The following PADI2 variants were observed in gnomAD, a reference collection of about 807,000 sequenced individuals.
PADI2 encodes protein-arginine deiminase type-2.
PADI2 carries 70 observed loss-of-function variants against 81.1 expected under a neutral mutation model. The observed-to-expected ratio is 0.86, with a 90% confidence interval of 0.71 to 1.05. PADI2 has a LOEUF of 1.05. Ranked by LOEUF, PADI2 falls within the 50% of genes least tolerant of loss-of-function variation. The pLI, the probability that PADI2 is intolerant of heterozygous loss-of-function variation, is 0.00. For synonymous variants in PADI2, 338 were observed against 358.0 expected (o/e 0.94, Z 0.63); for missense variants, 853 against 889.9 (o/e 0.96, Z 0.53).
chr1:17,071,443 G>C lies in PADI2; in HGVS notation c.1598C>G (p.Ser533Cys). ...SKRITINKIL[S>C]NESLVQENLY... Reference sequence around the variant, plus strand: ...GTTCTCCTGCACAAGGCTCTCGTTGGACAGAATCTTGTTGATGGTGATTCG... The same window carrying C: ...GTTCTCCTGCACAAGGCTCTCGTTGCACAGAATCTTGTTGATGGTGATTCG... Residue 533 changes from serine to cysteine, a missense_variant, in exon 14 of 16, where the codon TCC becomes TGC. Transcript: ENST00000375486. 6.2e-7 allele frequency: 1 copy of C among 1,614,098 alleles called. No homozygotes were observed. The highest frequency in any genetic ancestry group is 8.5e-7 in the Non-Finnish European group (1 of 1,179,942).
chr1:17,086,734 C>G, intron 6 of PADI2, 35 bp from the exon 7 acceptor site: 19 of 1,593,024 alleles, frequency 1.2e-5, no homozygotes, highest in Non-Finnish European at 1.6e-5. Context: ...GACTCCCACC[C>G]GCATCAGAAA....
intron 11 of PADI2, among the ~76,000 whole-genome samples, chr1:17,078,177 T>G (rs1002909239): frequency 1.3e-5 from 2 of 152,046 alleles, no homozygotes; most frequent in African/African-American, 4.8e-5. Flanking sequence ...AATGGCGCGA[T>G]CTCGGCTCAC....
intron 3 of PADI2, among the ~76,000 whole-genome samples, chr1:17,099,789 T>C (rs1931075983): frequency 6.6e-6 from 1 of 152,238 alleles, no homozygotes. Flanking sequence ...AACATCCCAC[T>C]GAATCCTTGT....
At chr1:17,075,253 T>C (rs933769554) in intron 12 of PADI2, 5 of 328,044 alleles carry the variant, frequency 1.5e-5, no homozygotes, top group East Asian at 6.3e-5. Context: ...GTTGTACCCA[T>C]AAGAAAATGA....
In PADI2 at chr1:17,070,211, G is replaced by A. The variant is rs1160280207; in HGVS notation, c.1641C>T (p.Cys547=). 5 of 1,613,780 alleles carry A rather than the reference G, an allele frequency of 3.1e-6. No homozygotes were observed. The highest frequency in any genetic ancestry group is 4.2e-6 in the Non-Finnish European group (5 of 1,179,908). Residue 547 remains cysteine, a synonymous_variant, in exon 15 of 16, where the codon TGC becomes TGT. Coordinates refer to ENST00000375486, the MANE Select transcript of PADI2 (RefSeq NM_007365.3). ...TGAGGATGTCACGGTTCCAGTCTAGGCAGCGCTGGGTAGGAGAAAGGATGG... is the reference window on the plus strand; with the variant it reads ...TGAGGATGTCACGGTTCCAGTCTAGACAGCGCTGGGTAGGAGAAAGGATGG... ...LVQENLYFQR[C]LDWNRDILKK...
At chr1:17,094,539 T>C (rs1930836386) in intron 4 of PADI2, among the ~76,000 whole-genome samples, 1 of 152,232 alleles carries the variant, frequency 6.6e-6, no homozygotes, top group African/African-American at 2.4e-5. Flanking sequence ...TGGGAGGACT[T>C]AGGACAACTG....
chr1:17,096,691 G>C (rs549762503), intron 3 of PADI2, among the ~76,000 whole-genome samples: 3 of 152,342 alleles, frequency 2.0e-5, no homozygotes, highest in African/African-American at 7.2e-5. Context: ...TGTGGAGACT[G>C]TAGGGAAGTG....
chr1:17,104,623 C>CG (rs781317707), intron 2 of PADI2, among the ~76,000 whole-genome samples: 5 of 151,518 alleles, frequency 3.3e-5, no homozygotes, highest in Non-Finnish European at 7.4e-5. Flanking sequence ...TTAGTAGAGA[C>CG]AGGGTTTCAC....
chr1:17,071,841 G>T (rs796120344), intron 13 of PADI2, among the ~76,000 whole-genome samples: 3 of 152,342 alleles, frequency 2.0e-5, no homozygotes, highest in African/African-American at 7.2e-5. Context: ...TGACCAGCAT[G>T]AATGTGGCAG....
In PADI2 at chr1:17,086,555, G is replaced by T; in HGVS notation, c.800C>A (p.Ser267Tyr). Residue 267 changes from serine to tyrosine, a missense_variant, in exon 7 of 16, where the codon TCC (serine) becomes TAC (tyrosine). Physicochemically the swap from Ser to Tyr is moderately radical, Grantham distance 144. Coordinates refer to ENST00000375486, the MANE Select transcript of PADI2 (RefSeq NM_007365.3). ...GTACTCCAGCAGGCTGACATGGATG[G>T]AGACCAGGCCTGAGAAGCCCTCGTC... Reference protein sequence around the residue: ...FPDEGFSGLVSIHVSLLEYMA... With the variant: ...FPDEGFSGLVYIHVSLLEYMA... The T allele has an allele frequency of 4.3e-6, 7 of 1,613,882 alleles. No individual in the cohort carries two copies. The highest frequency in any genetic ancestry group is 5.9e-6 in the Non-Finnish European group (7 of 1,179,902).
intron 2 of PADI2, among the ~76,000 whole-genome samples, chr1:17,104,454 A>T (rs866128398): frequency 0.021 from 30 of 1,444 alleles, no homozygotes; most frequent in Non-Finnish European, 0.03. Flanking sequence ...TTTTTTTTTG[A>T]GACGGAGTCT....
At chr1:17,117,112 A>G (rs957785282) in intron 1 of PADI2, among the ~76,000 whole-genome samples, 1 of 152,192 alleles carries the variant, frequency 6.6e-6, no homozygotes, top group African/African-American at 2.4e-5. Flanking sequence ...CCAAAATGCA[A>G]TAGTGCGAGA....
chr1:17,069,625 ATG>A (rs1199461844), intron 15 of PADI2, among the ~76,000 whole-genome samples: 2 of 150,764 alleles, frequency 1.3e-5, no homozygotes, highest in Non-Finnish European at 3.0e-5. Flanking sequence ...CTGTGTGTGC[ATG>A]TGTGTATATA....
At chr1:17,075,641 G>A (rs1235579973) in intron 12 of PADI2, 38 bp downstream of exon 12, 27 of 1,584,332 alleles carry the variant, frequency 1.7e-5, no homozygotes, top group African/African-American at 2.7e-5. Context: ...TTGGTTTGCT[G>A]CTACCCCATT....
intron 13 of PADI2, 111 bp downstream of exon 13, chr1:17,074,745 G>C: frequency 1.6e-6 from 1 of 634,768 alleles, no homozygotes; most frequent in South Asian, 1.8e-5. Flanking sequence ...AGACACCCAG[G>C]GAAGTGGAGC....
At chr1:17,087,720 G>A (rs1235295104) in intron 6 of PADI2, among the ~76,000 whole-genome samples, 1 of 152,026 alleles carries the variant, frequency 6.6e-6, no homozygotes, top group Non-Finnish European at 1.5e-5. Flanking sequence ...GGTCAGGCTG[G>A]TCTCGAACTC....
intron 1 of PADI2, among the ~76,000 whole-genome samples, chr1:17,106,933 C>T (rs1485655469): frequency 6.6e-6 from 1 of 152,190 alleles, no homozygotes; most frequent in Non-Finnish European, 1.5e-5. Flanking sequence ...GACCATGCCA[C>T]CACCCTGATC....
intron 1 of PADI2, among the ~76,000 whole-genome samples, chr1:17,105,886 G>A (rs1172005618): frequency 2.0e-5 from 3 of 152,176 alleles, no homozygotes. Flanking sequence ...CGGGCCTGGG[G>A]ATCTGAATTC....
Position 17,105,025 on chromosome 1 carries a change from C to T in PADI2, c.129G>A (p.Lys43=). The stretch of plus-strand genomic sequence containing the variant: ...CCTCCACCCACACGTGTTCCGAGTG[C>T]TTCAGGCTGAAGGTTTGGGCCCCGG... ...APAGAQTFSL[K]HSEHVWVEVV... Residue 43 remains lysine, a synonymous_variant, in exon 2 of 16, where the codon AAG becomes AAA. Coordinates refer to ENST00000375486, the MANE Select transcript of PADI2 (RefSeq NM_007365.3). 1 of 1,598,784 alleles carries T rather than the reference C, an allele frequency of 6.3e-7. No individual in the cohort carries two copies. Among genetic ancestry groups the T allele is most frequent in the South Asian group, 1.1e-5 (1 of 90,166 alleles).
Sources: allele counts gnomAD v4.1 joint callset (sites outside exome capture counted in the v4.1 genomes callset), GRCh38; gene constraint gnomAD v4.1.1; transcripts MANE v1.5; gene names NCBI Gene and HGNC (gene_info 2026-07-23, HGNC 2026-07-21).